The following OSBPL8 variants were observed in gnomAD, a reference collection of about 807,000 sequenced individuals.
The protein encoded by OSBPL8 is oxysterol-binding protein-related protein 8.
In OSBPL8, 59 loss-of-function variants were observed where a neutral mutation model predicts 125.5. The observed-to-expected ratio is 0.47, with a 90% CI of 0.38 to 0.58. The LOEUF is 0.58. Among genes scored for constraint, OSBPL8 ranks in the 20% least tolerant of loss-of-function variants. The probability of loss-of-function intolerance (pLI) is 0.00; values close to 1 mark genes in which losing one functional copy is unlikely to be tolerated. For missense variants in OSBPL8, 758 were observed against 1,047.8 expected, an observed-to-expected ratio of 0.72 and a Z score of 3.82; for synonymous variants, 330 against 338.9, an observed-to-expected ratio of 0.97 and a Z score of 0.29.
chr12:76,470,662 C>T (rs971974768), intron 2 of OSBPL8, among the ~76,000 whole-genome samples: 2 of 152,136 alleles, frequency 1.3e-5, no homozygotes, highest in Admixed American at 1.3e-4. Flanking sequence ...GATTTCTATT[C>T]CATTTCTAAC....
chr12:76,529,051 A>C (rs1045513816), intron 1 of OSBPL8, among the ~76,000 whole-genome samples: 2 of 151,918 alleles, frequency 1.3e-5, no homozygotes, highest in South Asian at 4.2e-4. Context: ...CTTCATTTCA[A>C]TCTTAGTTTT....
intron 2 of OSBPL8, among the ~76,000 whole-genome samples, chr12:76,482,655 G>C (rs1166042920): frequency 1.3e-5 from 2 of 151,878 alleles, no homozygotes; most frequent in Non-Finnish European, 2.9e-5. Flanking sequence ...CTTAAGTTGA[G>C]GAACATATTC....
intron 1 of OSBPL8, among the ~76,000 whole-genome samples, chr12:76,492,643 C>A (rs1878842990): frequency 1.3e-5 from 2 of 152,168 alleles, no homozygotes; most frequent in South Asian, 2.1e-4. Flanking sequence ...GAACTGTGCA[C>A]ACGAAGAATC....
rs1175931187 is a variant in OSBPL8 at position 76,390,530 on chromosome 12, T to C, written c.1057A>G (p.Ser353Gly). ...TGTCTTTCTGATGTATCTGTGTCAC[T>C]TTCTTCACTTTTCCCCATCACCTCA... is the stretch of plus-strand genomic sequence containing the variant. ...DNEVMGKSEESDTDTSERQDD... is the reference protein window; with the variant it reads ...DNEVMGKSEEGDTDTSERQDD... Residue 353 changes from serine to glycine, a missense_variant, in exon 11 of 24, where the codon AGT (serine) becomes GGT (glycine). Transcript: ENST00000261183. The C allele has an allele frequency of 1.9e-6, 3 of 1,613,914 alleles. No individual in the cohort carries two copies. The highest frequency in any genetic ancestry group is 2.2e-5 in the South Asian group (2 of 91,082).
intron 18 of OSBPL8, among the ~76,000 whole-genome samples, chr12:76,373,052 G>A (rs915722617): frequency 2.0e-5 from 3 of 152,056 alleles, no homozygotes; most frequent in Non-Finnish European, 2.9e-5. Flanking sequence ...ACCTCATAGC[G>A]TTATATGTTA....
At position 76,389,734 on chromosome 12, in the gene OSBPL8, G is replaced by C. The variant is rs774731905; in HGVS notation, c.1263C>G (p.Ser421=). Residue 421 remains serine, a synonymous_variant, in exon 12 of 24, where the codon TCC becomes TCG. Transcript: ENST00000261183. ...AAATAAATGTAGGCAGAACCACCTT[G>C]GATAGGTCCATGCCAGGACGGACTT... ...LKQVRPGMDL[S]KVVLPTFILE... is the part of the protein sequence containing the mutation. The C allele has an allele frequency of 6.2e-7, 1 of 1,609,364 alleles. No homozygotes were observed. The highest frequency in any genetic ancestry group is 8.5e-7 in the Non-Finnish European group (1 of 1,177,100).
chr12:76,467,177 CCT>C (rs1875549514), intron 2 of OSBPL8, among the ~76,000 whole-genome samples: 1 of 152,086 alleles, frequency 6.6e-6, no homozygotes, highest in South Asian at 2.1e-4. Context: ...TAAGAATACT[CCT>C]CTGCTCTGGC....
At chr12:76,503,356 T>C (rs1231409101) in intron 1 of OSBPL8, among the ~76,000 whole-genome samples, 2 of 152,162 alleles carry the variant, frequency 1.3e-5, no homozygotes, top group African/African-American at 2.4e-5. Context: ...CGTGTCTGTA[T>C]CCAAATTTCC....
intron 2 of OSBPL8, among the ~76,000 whole-genome samples, chr12:76,472,793 A>G (rs549738474): frequency 3.5e-4 from 54 of 152,272 alleles, no homozygotes; most frequent in Middle Eastern, 3.4e-3. Context: ...TGGAACATGA[A>G]AGTGGACTAG....
At chr12:76,472,387 G>A (rs1166396504) in intron 2 of OSBPL8, among the ~76,000 whole-genome samples, 2 of 152,202 alleles carry the variant, frequency 1.3e-5, no homozygotes, top group Non-Finnish European at 2.9e-5. Context: ...CAGCCCCACA[G>A]GGTCGGTGGG....
chr12:76,391,305 A>C (rs535010650), intron 10 of OSBPL8, among the ~76,000 whole-genome samples: 1 of 152,314 alleles, frequency 6.6e-6, no homozygotes, highest in African/African-American at 2.4e-5. Context: ...AGTTTTGCTT[A>C]ATCTACCCTA....
chr12:76,499,340 A>ATCTG (rs1555231527), intron 1 of OSBPL8, among the ~76,000 whole-genome samples: 1 of 118,066 alleles, frequency 8.5e-6, no homozygotes, highest in South Asian at 2.5e-4. Context: ...CTATCTATCT[A>ATCTG]TCTATCTATC....
At chr12:76,374,021 C>A (rs1952719852) in intron 17 of OSBPL8, among the ~76,000 whole-genome samples, 1 of 152,150 alleles carries the variant, frequency 6.6e-6, no homozygotes, top group Non-Finnish European at 1.5e-5. Context: ...TCATCATGAT[C>A]TTCAAACATT....
chr12:76,518,052 C>T (rs1881721357), intron 1 of OSBPL8, among the ~76,000 whole-genome samples: 1 of 152,152 alleles, frequency 6.6e-6, no homozygotes, highest in South Asian at 2.1e-4. Context: ...TCATCCCTTC[C>T]CAATAGTCTC....
At chr12:76,530,655 T>G (rs1288907975) in intron 1 of OSBPL8, among the ~76,000 whole-genome samples, 1 of 152,136 alleles carries the variant, frequency 6.6e-6, no homozygotes, top group African/African-American at 2.4e-5. Context: ...AAGCAGTTTG[T>G]TTTGTTCAGT....
Position 76,371,270 on chromosome 12 carries a change from G to A in OSBPL8, c.2054+178C>T, listed in dbSNP as rs183757034. 1.9e-3 allele frequency: 1,099 copies of A among 582,226 alleles called. 11 individuals carry two copies. The African/African-American group carries it at 0.019, about 10-fold the overall frequency. The allele number at this position is 582,226 out of a possible 1,614,324, so 36.1% of individuals were successfully genotyped here. On this transcript the variant is annotated intron_variant, in intron 19 of 23. Transcript: ENST00000261183. ...GTTTTGAGCTACAGAAAAGCAAGAC[G>A]ATTTATATTATATTTGACATTCATA...
At chr12:76,451,581 C>T (rs1430863791) in intron 3 of OSBPL8, among the ~76,000 whole-genome samples, 1 of 152,160 alleles carries the variant, frequency 6.6e-6, no homozygotes, top group Non-Finnish European at 1.5e-5. Flanking sequence ...TAACTCAGAA[C>T]CATTTGGTTC....
intron 2 of OSBPL8, among the ~76,000 whole-genome samples, chr12:76,480,915 A>C (rs150904607): frequency 6.6e-6 from 1 of 152,192 alleles, no homozygotes; most frequent in African/African-American, 2.4e-5. Context: ...ATCTTGATAT[A>C]GGGCAGTTAT....
chr12:76,416,311 CTT>C (rs1868658856), intron 4 of OSBPL8, among the ~76,000 whole-genome samples: 1 of 151,272 alleles, frequency 6.6e-6, no homozygotes, highest in African/African-American at 2.4e-5. Context: ...TTTGTTGAAA[CTT>C]ACTTTATGGC....
Sources: allele counts gnomAD v4.1 joint callset (sites outside exome capture counted in the v4.1 genomes callset), GRCh38; gene constraint gnomAD v4.1.1; transcripts MANE v1.5; gene names NCBI Gene and HGNC (gene_info 2026-07-23, HGNC 2026-07-21).